ELSPBP1: variants seen among roughly 807,000 people sequenced by gnomAD.
The protein encoded by ELSPBP1 is epididymal sperm-binding protein 1.
Under a neutral mutation model 33.3 loss-of-function variants are expected in ELSPBP1, and 38 were observed. The observed-to-expected ratio is 1.14, with a 90% confidence interval of 0.88 to 1.50. The LOEUF is 1.50. Ranked by LOEUF, ELSPBP1 falls within the 40% of genes most tolerant of loss-of-function variation. The probability of loss-of-function intolerance (pLI) is 0.00; values close to 1 mark genes in which losing one functional copy is unlikely to be tolerated. For synonymous variants in ELSPBP1, 85 were observed against 94.1 expected, an observed-to-expected ratio of 0.90 and a Z score of 0.56; for missense variants, 267 against 263.5, an observed-to-expected ratio of 1.01 and a Z score of -0.09.
In ELSPBP1 at chr19:48,019,730, A is replaced by C; in HGVS notation, c.367A>C (p.Asn123His). 1 of 1,613,858 alleles carries C rather than the reference A, an allele frequency of 6.2e-7. No individual in the cohort carries two copies. The highest frequency in any genetic ancestry group is 2.2e-5 in the East Asian group (1 of 44,874). Reference protein sequence around the residue: ...KFCETNEYGGNSLRKPCIFPS... With the variant: ...KFCETNEYGGHSLRKPCIFPS... Reference sequence around the variant, plus strand: ...ATAATCCTTTTCAGAGTATGGGGGAAATTCTCTCAGGAAGCCCTGCATCTT... The same window carrying C: ...ATAATCCTTTTCAGAGTATGGGGGACATTCTCTCAGGAAGCCCTGCATCTT... Residue 123 changes from asparagine (N) to histidine (H), a missense_variant, in exon 5 of 7, where the codon AAT becomes CAT. By Grantham distance (68) the Asn-to-His change is moderately conservative. Transcript: ENST00000339841.
chr19:48,000,923 C>T (rs1319932229), intron 1 of ELSPBP1, among the ~76,000 whole-genome samples: 1 of 152,206 alleles, frequency 6.6e-6, no homozygotes, highest in East Asian at 1.9e-4. Context: ...GTAACAAATC[C>T]CCACACACCT....
chr19:47,996,554 A>C (rs1966914177), intron 1 of ELSPBP1, among the ~76,000 whole-genome samples: 1 of 152,020 alleles, frequency 6.6e-6, no homozygotes, highest in Admixed American at 6.6e-5. Context: ...GGATGAATTG[A>C]TGGATGGATG....
chr19:48,007,282 C>T (rs1234672193), intron 1 of ELSPBP1, among the ~76,000 whole-genome samples: 1 of 152,154 alleles, frequency 6.6e-6, no homozygotes, highest in Non-Finnish European at 1.5e-5. Context: ...AACTCTGACA[C>T]TAGTATAGAC....
In ELSPBP1 at chr19:48,022,234, T is replaced by C. The variant is rs1438268933; in HGVS notation, c.579T>C (p.Tyr193=). The C allele has an allele frequency of 1.9e-6, 3 of 1,613,932 alleles. No individual in the cohort carries two copies. Among genetic ancestry groups the C allele is most frequent in the Non-Finnish European group, 2.5e-6 (3 of 1,179,930 alleles). The change falls in exon 6 of 7, where the codon TAT becomes TAC. Residue 193 remains tyrosine, a synonymous_variant. Transcript: ENST00000339841. ...HFPFNYKNKN[Y]FNCTNEGSKE... ...CGTTCAACTATAAAAACAAGAATTA[T>C]TTTAACTGCACTAACGAAGGATCAA...
chr19:48,003,533 C>A (rs953096454), intron 1 of ELSPBP1, among the ~76,000 whole-genome samples: 13 of 136,334 alleles, frequency 9.5e-5, no homozygotes, highest in Non-Finnish European at 2.1e-4. Context: ...AAATGCCACC[C>A]CTGCTCTTTT....
chr19:47,995,511 T>G (rs756762600), intron 1 of ELSPBP1, among the ~76,000 whole-genome samples: 15 of 152,128 alleles, frequency 9.9e-5, no homozygotes, highest in Admixed American at 2.0e-4. Flanking sequence ...AAAGTTGAGA[T>G]TCAAAAAGAG....
chr19:48,018,266 C>T (rs1390032933), intron 4 of ELSPBP1, among the ~76,000 whole-genome samples: 1 of 152,154 alleles, frequency 6.6e-6, no homozygotes, highest in Non-Finnish European at 1.5e-5. Context: ...CTTTTATTAT[C>T]TGCAAAATGA....
intron 1 of ELSPBP1, among the ~76,000 whole-genome samples, chr19:48,004,346 C>T (rs370656329): frequency 4.0e-5 from 6 of 151,762 alleles, no homozygotes; most frequent in Admixed American, 1.3e-4. Flanking sequence ...GTTGTAGAGA[C>T]GAGGTGTCAC....
At chr19:48,003,269 T>C (rs184048283) in intron 1 of ELSPBP1, among the ~76,000 whole-genome samples, 3 of 152,332 alleles carry the variant, frequency 2.0e-5, no homozygotes, top group Admixed American at 2.0e-4. Flanking sequence ...TTCCAGACCA[T>C]CAGTTGCTAC....
chr19:48,021,035 C>T (rs1394892949), intron 5 of ELSPBP1, among the ~76,000 whole-genome samples: 1 of 152,172 alleles, frequency 6.6e-6, no homozygotes, highest in East Asian at 1.9e-4. Flanking sequence ...TTGCCTCAAG[C>T]TGCTGTGGAT....
At chr19:48,004,894 A>C (rs1183923194) in intron 1 of ELSPBP1, among the ~76,000 whole-genome samples, 4 of 152,210 alleles carry the variant, frequency 2.6e-5, no homozygotes, top group Non-Finnish European at 5.9e-5. Flanking sequence ...GGATGCATAA[A>C]GCATGCATCA....
chr19:48,001,828 C>T (rs1966971165), intron 1 of ELSPBP1, among the ~76,000 whole-genome samples: 1 of 152,048 alleles, frequency 6.6e-6, no homozygotes, highest in African/African-American at 2.4e-5. Context: ...GCTAGGACTG[C>T]AGGCATGTGC....
rs575751157 is a variant in ELSPBP1 at position 48,025,031 on chromosome 19, A to G, written c.*87A>G. On this transcript the variant is annotated 3_prime_UTR_variant, in exon 7 of 7. Coordinates refer to ENST00000339841, the MANE Select transcript of ELSPBP1 (RefSeq NM_022142.5). ...ATTTGTCTTTTTCATTGCATCTGTC[A>G]AGCTTAAATAACCACCTTTAGAAAT... 2 of 152,342 alleles carry G rather than the reference A, an allele frequency of 1.3e-5. No individual in the cohort carries two copies. Among genetic ancestry groups the G allele is most frequent in the East Asian group, 3.9e-4 (2 of 5,194 alleles). 9.4% of individuals were successfully genotyped at this position (152,342 alleles called of 1,614,324 possible).
intron 3 of ELSPBP1, among the ~76,000 whole-genome samples, chr19:48,015,186 A>C (rs1294799187): frequency 2.0e-5 from 3 of 152,226 alleles, no homozygotes; most frequent in Non-Finnish European, 4.4e-5. Flanking sequence ...TATGTTTGCT[A>C]TCCATTAAGT....
chr19:48,023,511 GGAAATAA>G (rs1967233354), intron 6 of ELSPBP1, among the ~76,000 whole-genome samples: 1 of 96,390 alleles, frequency 1.0e-5, no homozygotes, highest in Non-Finnish European at 2.5e-5. Flanking sequence ...AAAAGAGGAA[GGAAATAA>G]GGAAGGAAGG....
chr19:48,021,028 C>T (rs1967194228), intron 5 of ELSPBP1, among the ~76,000 whole-genome samples: 1 of 152,174 alleles, frequency 6.6e-6, no homozygotes, highest in Admixed American at 6.5e-5. Flanking sequence ...CCCTCTGTTG[C>T]CTCAAGCTGC....
intron 3 of ELSPBP1, among the ~76,000 whole-genome samples, chr19:48,015,427 G>A (rs547017127): frequency 6.6e-5 from 10 of 152,196 alleles, no homozygotes; most frequent in South Asian, 2.1e-4. Context: ...AGGCCGAGGC[G>A]GGTGGATCAC....
chr19:48,019,381 GT>G (rs2122331635), intron 4 of ELSPBP1, among the ~76,000 whole-genome samples: 1 of 152,278 alleles, frequency 6.6e-6, no homozygotes, highest in South Asian at 2.1e-4. Flanking sequence ...CGATATTTAT[GT>G]AACTAGCTTT....
chr19:48,008,173 AACAC>A (rs946846175), intron 1 of ELSPBP1, among the ~76,000 whole-genome samples: 67 of 152,186 alleles, frequency 4.4e-4, no homozygotes, highest in African/African-American at 1.5e-3. Flanking sequence ...CACATGTAGA[AACAC>A]ACACACATAT....
Sources: allele counts gnomAD v4.1 joint callset (sites outside exome capture counted in the v4.1 genomes callset), GRCh38; gene constraint gnomAD v4.1.1; transcripts MANE v1.5; gene names NCBI Gene and HGNC (gene_info 2026-07-23, HGNC 2026-07-21).